Variants in KANK1 observed in about 807,000 individuals in gnomAD.
KANK1 encodes the protein KN motif and ankyrin repeat domains 1.
In KANK1, 109 loss-of-function variants were observed where a neutral mutation model predicts 106.2. The observed-to-expected ratio is 1.03, with a 90% CI of 0.88 to 1.20. The LOEUF is 1.20. Ranked by LOEUF, KANK1 falls within the 50% of genes most tolerant of loss-of-function variation. The probability of loss-of-function intolerance (pLI) is 0.00; values close to 1 mark genes in which losing one functional copy is unlikely to be tolerated. For missense variants in KANK1, 2,399 were observed against 1,710.7 expected (o/e 1.40, Z -7.10); for synonymous variants, 873 against 652.2 (o/e 1.34, Z -5.16).
chr9:656,932 T>G (rs1365086828), intron 1 of KANK1, among the ~76,000 whole-genome samples: 1 of 152,182 alleles, frequency 6.6e-6, no homozygotes, highest in Non-Finnish European at 1.5e-5. Flanking sequence ...CTCTGAATGT[T>G]TAAGTGTACA....
At chr9:515,281 C>G (rs1252567481) in intron 1 of KANK1, among the ~76,000 whole-genome samples, 2 of 150,198 alleles carry the variant, frequency 1.3e-5, no homozygotes, top group Admixed American at 6.6e-5. Context: ...GGAGGCGGAG[C>G]TTGCAGTGAG....
chr9:735,125 C>T (rs562693761), intron 7 of KANK1, among the ~76,000 whole-genome samples: 6 of 152,318 alleles, frequency 3.9e-5, no homozygotes, highest in Non-Finnish European at 8.8e-5. Context: ...TAATTGCAGT[C>T]AGTCGTCATC....
intron 1 of KANK1, among the ~76,000 whole-genome samples, chr9:668,181 C>T (rs568998842): frequency 6.6e-6 from 1 of 152,218 alleles, no homozygotes; most frequent in African/African-American, 2.4e-5. Flanking sequence ...ACTGATGAAA[C>T]GTGTATTCTG....
chr9:613,970 C>A (rs1460784429), intron 1 of KANK1, among the ~76,000 whole-genome samples: 1 of 152,076 alleles, frequency 6.6e-6, no homozygotes, highest in Non-Finnish European at 1.5e-5. Flanking sequence ...TTTTCTCCTC[C>A]CCTCTTATTT....
chr9:700,828 C>T (rs1418112537), intron 2 of KANK1, among the ~76,000 whole-genome samples: 1 of 152,134 alleles, frequency 6.6e-6, no homozygotes, highest in Non-Finnish European at 1.5e-5. Context: ...TTTCACAGCA[C>T]CGTCAGTCAG....
intron 1 of KANK1, among the ~76,000 whole-genome samples, chr9:609,645 T>C (rs1358235817): frequency 1.3e-5 from 2 of 151,982 alleles, no homozygotes; most frequent in African/African-American, 4.8e-5. Flanking sequence ...AATAAATAAA[T>C]AAAATAAAAT....
At chr9:695,882 A>G (rs1366536084) in intron 2 of KANK1, among the ~76,000 whole-genome samples, 2 of 152,128 alleles carry the variant, frequency 1.3e-5, no homozygotes, top group East Asian at 1.9e-4. Flanking sequence ...AAATCACTAC[A>G]TCTCTTCCTC....
chr9:714,293 G>C (rs1827073561), intron 3 of KANK1, among the ~76,000 whole-genome samples: 1 of 151,944 alleles, frequency 6.6e-6, no homozygotes, highest in Non-Finnish European at 1.5e-5. Flanking sequence ...GCGAGTGGTA[G>C]TGGTCAGGGT....
At chr9:577,719 C>G (rs1339401558) in intron 1 of KANK1, among the ~76,000 whole-genome samples, 1 of 152,184 alleles carries the variant, frequency 6.6e-6, no homozygotes, top group Non-Finnish European at 1.5e-5. Flanking sequence ...CCTCTTGAAT[C>G]AGAAATTCTG....
chr9:565,410 A>G (rs1375647892), intron 1 of KANK1, among the ~76,000 whole-genome samples: 1 of 152,240 alleles, frequency 6.6e-6, no homozygotes, highest in African/African-American at 2.4e-5. Flanking sequence ...TAGTCACCCA[A>G]AAGGGTCTTC....
chr9:732,536 T>C lies in KANK1; in HGVS notation c.3164T>C (p.Ile1055Thr), dbSNP rs34832656. The C allele has an allele frequency of 0.16, 265,414 of 1,613,704 alleles. 23,210 individuals carry two copies. Among genetic ancestry groups the C allele is most frequent in the Admixed American group, 0.22 (13,123 of 59,984 alleles). Residue 1055 changes from isoleucine (I) to threonine (T), a missense_variant, in exon 6 of 12, where the codon ATT becomes ACT. By Grantham distance (89) the Ile-to-Thr change is moderately conservative. Coordinates refer to ENST00000382297, the MANE Select transcript of KANK1 (RefSeq NM_015158.5). ...GCAGAAGGGCACCATGCAGTTAATA[T>C]TGAAGGTTTGAAGTCTGCCAGGGTG... Reference protein sequence around the residue: ...GMAEGHHAVNIEGLKSARVED... With the variant: ...GMAEGHHAVNTEGLKSARVED...
Position 712,248 on chromosome 9 carries a change from T to C in KANK1, c.1482T>C (p.Ala494=). 6.2e-7 allele frequency: 1 copy of C among 1,614,194 alleles called. No homozygotes were observed. The highest frequency in any genetic ancestry group is 8.5e-7 in the Non-Finnish European group (1 of 1,180,022). ...EMTKLKQELQ[A]AGSRKKVDKA... is the part of the protein sequence containing the mutation. ...CTAAACTGAAACAAGAGCTGCAGGC[T>C]GCTGGATCGAGGAAAAAGGTTGACA... Residue 494 remains alanine (A), a synonymous_variant, in exon 3 of 12, where the codon GCT becomes GCC. Coordinates refer to ENST00000382297, the MANE Select transcript of KANK1 (RefSeq NM_015158.5).
intron 8 of KANK1, among the ~76,000 whole-genome samples, chr9:738,916 C>G (rs1834560173): frequency 3.9e-5 from 6 of 152,182 alleles, no homozygotes; most frequent in Admixed American, 3.3e-4. Context: ...TTGATTTGAC[C>G]TTACTCCATG....
intron 1 of KANK1, among the ~76,000 whole-genome samples, chr9:543,887 G>A (rs1338170094): frequency 6.6e-6 from 1 of 152,076 alleles, no homozygotes; most frequent in African/African-American, 2.4e-5. Context: ...TCTATTAGGA[G>A]GCTCCATATC....
intron 2 of KANK1, chr9:684,097 G>C (rs1328935188): frequency 4.4e-6 from 4 of 905,198 alleles, no homozygotes; most frequent in Non-Finnish European, 5.3e-6. Context: ...AAAGCCCCTG[G>C]CTCATCAGAG....
At chr9:614,817 T>TA (rs1229988324) in intron 1 of KANK1, among the ~76,000 whole-genome samples, 1 of 152,154 alleles carries the variant, frequency 6.6e-6, no homozygotes, top group African/African-American at 2.4e-5. Flanking sequence ...TTTATATTTT[T>TA]AAAAAATCAC....
At chr9:584,626 GA>G (rs1295076785) in intron 1 of KANK1, among the ~76,000 whole-genome samples, 9 of 152,252 alleles carry the variant, frequency 5.9e-5, no homozygotes, top group Admixed American at 5.2e-4. Context: ...TAGCATTTGA[GA>G]CTTGATAACA....
At position 479,192 on chromosome 9, in the gene KANK1, A is replaced by G. The variant is rs542327431; in HGVS notation, c.-362+5919A>G. ...TAAAATTCATCAAAATTCCTTTTCC[A>G]TGCTGCTGTGTGTTCTTCCTGGTTA... is the stretch of plus-strand genomic sequence containing the variant. On this transcript the variant is annotated intron_variant, in intron 3 of 15. Transcript: ENST00000382303. Among the ~76,000 whole-genome samples the G allele has an allele frequency of 2.6e-5, 4 of 152,326 alleles. No homozygotes were observed. The South Asian group carries it at 6.2e-4, about 24-fold the overall frequency.
intron 1 of KANK1, among the ~76,000 whole-genome samples, chr9:674,818 C>G (rs1265241295): frequency 6.6e-6 from 1 of 152,070 alleles, no homozygotes; most frequent in Non-Finnish European, 1.5e-5. Context: ...GTTCTGGTGC[C>G]TCAGCCTCCC....
Sources: allele counts gnomAD v4.1 joint callset (sites outside exome capture counted in the v4.1 genomes callset), GRCh38; gene constraint gnomAD v4.1.1; transcripts MANE v1.5; gene names NCBI Gene and HGNC (gene_info 2026-07-23, HGNC 2026-07-21).